TMCO5A: variants seen among roughly 807,000 people sequenced by gnomAD.
TMCO5A encodes the protein transmembrane and coiled-coil domains 5A.
Under a neutral mutation model 42.3 loss-of-function variants are expected in TMCO5A, and 34 were observed. That is an observed-to-expected ratio of 0.80 (90% CI 0.61 to 1.07). The LOEUF is 1.07. Ranked by LOEUF, TMCO5A falls within the 50% of genes least tolerant of loss-of-function variation. The pLI is 0.00. For missense variants in TMCO5A, 357 were observed against 327.9 expected (o/e 1.09, Z -0.69); for synonymous variants, 131 against 115.6 (o/e 1.13, Z -0.86).
chr15:38,027,655 T>C, the TMCO5A span, among the ~76,000 whole-genome samples: 4 of 152,140 alleles, frequency 2.6e-5, no homozygotes, highest in South Asian at 4.2e-4. Flanking sequence ...GGCAGAATGA[T>C]ATGGTTTGGC....
chr15:37,995,196 T>C, the TMCO5A span, among the ~76,000 whole-genome samples: 3 of 152,124 alleles, frequency 2.0e-5, no homozygotes, highest in Admixed American at 2.0e-4. Flanking sequence ...CTAGGGACCT[T>C]TGTGCCAGCT....
the TMCO5A span, among the ~76,000 whole-genome samples, chr15:37,974,993 G>A: frequency 6.6e-6 from 1 of 152,052 alleles, no homozygotes; most frequent in African/African-American, 2.4e-5. Context: ...TAGTTTCATT[G>A]TTTACACAAA....
At chr15:38,034,741 C>T in the TMCO5A span, among the ~76,000 whole-genome samples, 6 of 152,172 alleles carry the variant, frequency 3.9e-5, no homozygotes, top group Non-Finnish European at 8.8e-5. Context: ...CAATTGCCTA[C>T]CAGACAGCTC....
exon 12 of TMCO5A, chr15:37,967,492 C>G (rs1375412827): frequency 1.3e-5 from 2 of 152,040 alleles, no homozygotes; most frequent in Non-Finnish European, 2.9e-5. Context: ...ATGGAAAATC[C>G]AAACTGAGAT....
At chr15:38,028,170 A>G in the TMCO5A span, among the ~76,000 whole-genome samples, 2,806 of 151,026 alleles carry the variant, frequency 0.019, 75 homozygotes, top group African/African-American at 0.064. Flanking sequence ...ATAACATAGT[A>G]GTAAATAGAT....
chr15:37,951,037 AT>A lies in TMCO5A; in HGVS notation c.676del (p.Cys226AlafsTer14). ...AGTTTCATGGCATTCTCTTTTTAGG[AT>A]TTTTTGCTGTCTCTTTTTCATCACC... Reference protein sequence around the residue: ...QKTARLFSKKIFCCLFFITLF... With the variant: ...QKTARLFSKKXFCCLFFITLF... On this transcript the variant is annotated frameshift_variant and splice_region_variant, in exon 12 of 12. Coordinates refer to ENST00000319669, the MANE Select transcript of TMCO5A (RefSeq NM_152453.4). LOFTEE classifies it high-confidence loss of function. 6.2e-7 allele frequency: 1 copy of A among 1,610,558 alleles called. No individual in the cohort carries two copies. The highest frequency in any genetic ancestry group is 8.5e-7 in the Non-Finnish European group (1 of 1,179,416).
At chr15:37,997,646 A>G in the TMCO5A span, among the ~76,000 whole-genome samples, 2 of 152,314 alleles carry the variant, frequency 1.3e-5, no homozygotes, top group Non-Finnish European at 1.5e-5. Flanking sequence ...AATCTTGGCT[A>G]TTGTGAATAG....
rs934028237 is a variant in TMCO5A, at chr15:37,951,131, T to A, written c.764T>A (p.Val255Asp). ...AGATTCATAAATCCAGATCTCCTCG[T>A]CAATGTACTGCCCAAGGTACTGGGC... is the stretch of plus-strand genomic sequence containing the variant. ...HVRFINPDLLVNVLPKVLGRS... is the reference protein window; with the variant it reads ...HVRFINPDLLDNVLPKVLGRS... Residue 255 changes from valine (V) to aspartate (D), a missense_variant, in exon 12 of 12, where the codon GTC becomes GAC. Transcript: ENST00000319669. The A allele has an allele frequency of 1.2e-6, 2 of 1,613,850 alleles. No homozygotes were observed. The highest frequency in any genetic ancestry group is 1.7e-6 in the Non-Finnish European group (2 of 1,179,878).
chr15:37,980,943 C>A, the TMCO5A span, among the ~76,000 whole-genome samples: 1 of 152,048 alleles, frequency 6.6e-6, no homozygotes, highest in South Asian at 2.1e-4. Flanking sequence ...TAAAATTTTT[C>A]TTTCATGAAT....
downstream of TMCO5A, among the ~76,000 whole-genome samples, chr15:37,971,077 T>C (rs139684482): frequency 0.016 from 2,442 of 152,302 alleles, 75 homozygotes; most frequent in African/African-American, 0.055. Context: ...GGCTCTGACC[T>C]CACATTTCCC....
chr15:38,020,489 C>T, the TMCO5A span: 3 of 152,170 alleles, frequency 2.0e-5, no homozygotes, highest in Non-Finnish European at 2.9e-5. Context: ...CTGAAGTTAT[C>T]TGCAACTCAG....
chr15:37,999,456 G>A, the TMCO5A span, among the ~76,000 whole-genome samples: 1 of 152,116 alleles, frequency 6.6e-6, no homozygotes, highest in Non-Finnish European at 1.5e-5. Flanking sequence ...TTCCAAATAT[G>A]AGATTACATT....
the TMCO5A span, chr15:38,024,553 A>G: frequency 2.6e-5 from 4 of 152,318 alleles, no homozygotes; most frequent in African/African-American, 4.8e-5. Context: ...GGAAGCCCCA[A>G]ACAAAAGATT....
At chr15:38,027,255 G>T in the TMCO5A span, among the ~76,000 whole-genome samples, 43 of 152,286 alleles carry the variant, frequency 2.8e-4, no homozygotes, top group Admixed American at 6.5e-4. Context: ...GGGTGGAGCT[G>T]CCCAAGACCA....
At chr15:38,016,287 C>T in the TMCO5A span, among the ~76,000 whole-genome samples, 1 of 152,010 alleles carries the variant, frequency 6.6e-6, no homozygotes, top group African/African-American at 2.4e-5. Flanking sequence ...TTATATTAGC[C>T]CATTGCCAAT....
At chr15:37,935,701 C>CA (rs1165289324) in intron 2 of TMCO5A, among the ~76,000 whole-genome samples, 1 of 152,068 alleles carries the variant, frequency 6.6e-6, no homozygotes, top group Non-Finnish European at 1.5e-5. Flanking sequence ...AAATTTACTT[C>CA]AAAAAAGATA....
the TMCO5A span, among the ~76,000 whole-genome samples, chr15:38,030,753 T>C: frequency 2.0e-5 from 3 of 152,152 alleles, no homozygotes; most frequent in Non-Finnish European, 4.4e-5. Flanking sequence ...AACAAGCCTT[T>C]CTCTTTCTCA....
the TMCO5A span, among the ~76,000 whole-genome samples, chr15:38,018,734 G>A: frequency 2.1e-3 from 313 of 151,268 alleles, 2 homozygotes; most frequent in African/African-American, 6.9e-3. Context: ...TCTATCTTCA[G>A]ATTAAAAGGG....
chr15:37,968,543 A>C (rs938636350), downstream of TMCO5A, among the ~76,000 whole-genome samples: 1 of 151,600 alleles, frequency 6.6e-6, no homozygotes, highest in African/African-American at 2.4e-5. Flanking sequence ...GCTGTTATCA[A>C]CTGGCCTGTT....
Sources: gnomAD v4.1 joint callset for allele counts (sites outside exome capture counted in the v4.1 genomes callset) on GRCh38, gnomAD v4.1.1 for gene constraint, MANE v1.5 for transcripts, NCBI Gene and HGNC (gene_info 2026-07-23, HGNC 2026-07-21) for gene names.